The following ANKRD44 variants were observed in gnomAD, a reference collection of about 807,000 sequenced individuals.
ANKRD44 encodes the protein serine/threonine-protein phosphatase 6 regulatory ankyrin repeat subunit B.
Under a neutral mutation model 116.0 loss-of-function variants are expected in ANKRD44, and 35 were observed. That is an observed-to-expected ratio of 0.30 (90% confidence interval 0.23 to 0.40). The LOEUF is 0.40. Ranked by LOEUF, ANKRD44 falls within the 10% of genes least tolerant of loss-of-function variation. The probability of loss-of-function intolerance (pLI) is 1.00; values close to 1 mark genes in which losing one functional copy is unlikely to be tolerated. For missense variants in ANKRD44, 1,014 were observed against 1,242.6 expected (o/e 0.82, Z 2.77); for synonymous variants, 435 against 461.8 (o/e 0.94, Z 0.74).
chr2:197,084,191 T>A (rs962172309), intron 13 of ANKRD44, among the ~76,000 whole-genome samples: 2 of 152,132 alleles, frequency 1.3e-5, no homozygotes, highest in Non-Finnish European at 2.9e-5. Flanking sequence ...ATGGGGTATC[T>A]CTCTCCCCTA....
At chr2:197,093,590 G>A (rs555571852) in intron 10 of ANKRD44, among the ~76,000 whole-genome samples, 35 of 152,258 alleles carry the variant, frequency 2.3e-4, no homozygotes, top group East Asian at 5.8e-4. Context: ...TGGCATTTGC[G>A]CTTGCATATG....
chr2:197,310,333 G>A (rs1166714193), intron 1 of ANKRD44, among the ~76,000 whole-genome samples: 2 of 144,050 alleles, frequency 1.4e-5, no homozygotes, highest in Non-Finnish European at 3.1e-5. Context: ...CACGCCGGCT[G>A]CCCAGCGCCC....
intron 1 of ANKRD44, among the ~76,000 whole-genome samples, chr2:197,297,384 T>C (rs2105897898): frequency 6.6e-6 from 1 of 152,274 alleles, no homozygotes; most frequent in South Asian, 2.1e-4. Context: ...CAAACTCAAA[T>C]CATATTTTCA....
At chr2:197,025,414 T>C in intron 16 of ANKRD44, 147 bp from the exon 17 acceptor site, 2 of 567,746 alleles carry the variant, frequency 3.5e-6, no homozygotes, top group Admixed American at 5.5e-5. Context: ...AAAACAAATA[T>C]GCTAACAGAA....
chr2:197,044,288 C>A (rs1046390059), intron 16 of ANKRD44, among the ~76,000 whole-genome samples: 1 of 152,220 alleles, frequency 6.6e-6, no homozygotes, highest in Non-Finnish European at 1.5e-5. Context: ...CAGTTTCCAA[C>A]TGCACATTCC....
At chr2:197,170,068 T>C (rs921545847) in intron 2 of ANKRD44, among the ~76,000 whole-genome samples, 2 of 151,796 alleles carry the variant, frequency 1.3e-5, no homozygotes, top group African/African-American at 4.8e-5. Flanking sequence ...TGTGTGCCTG[T>C]AGTCCCAGCT....
chr2:197,015,600 T>C (rs2076376449), intron 17 of ANKRD44: 2 of 536,306 alleles, frequency 3.7e-6, no homozygotes, highest in Non-Finnish European at 6.8e-6. Context: ...ATTTTGGCTG[T>C]GGTAGAAACT....
intron 2 of ANKRD44, among the ~76,000 whole-genome samples, chr2:197,182,419 T>A (rs886570558): frequency 7.2e-5 from 11 of 152,220 alleles, no homozygotes; most frequent in Non-Finnish European, 1.5e-5. Flanking sequence ...GGAAACTAAC[T>A]AAGCTGGATG....
intron 9 of ANKRD44, among the ~76,000 whole-genome samples, chr2:197,109,482 T>C (rs547667723): frequency 3.9e-5 from 6 of 152,254 alleles, no homozygotes; most frequent in South Asian, 2.1e-4. Flanking sequence ...AAATTTCCTT[T>C]GCTTTGCTGC....
At position 196,988,915 on chromosome 2, in the gene ANKRD44, T is replaced by C. The variant is rs1052592111; in HGVS notation, c.*676A>G. On this transcript the variant is annotated 3_prime_UTR_variant, in exon 28 of 28. Coordinates refer to ENST00000282272, the MANE Select transcript of ANKRD44 (RefSeq NM_001195144.2). Reference sequence around the variant, plus strand: ...CTTTGTGCTGCCTTTGTGTATATGATCCACTACACATCTGAGTTTTCATCT... The same window carrying C: ...CTTTGTGCTGCCTTTGTGTATATGACCCACTACACATCTGAGTTTTCATCT... 6 of 985,308 alleles carry C rather than the reference T, an allele frequency of 6.1e-6. No individual in the cohort carries two copies. Among genetic ancestry groups the C allele is most frequent in the African/African-American group, 1.7e-5 (1 of 57,224 alleles). 61.0% of individuals were successfully genotyped at this position (985,308 alleles called of 1,614,324 possible).
chr2:197,297,551 A>C (rs1338462810), intron 1 of ANKRD44, among the ~76,000 whole-genome samples: 1 of 152,194 alleles, frequency 6.6e-6, no homozygotes, highest in African/African-American at 2.4e-5. Context: ...CCCGTAAAGC[A>C]AGTATTATTT....
intron 3 of ANKRD44, among the ~76,000 whole-genome samples, chr2:197,139,709 T>C (rs534989772): frequency 1.1e-4 from 16 of 152,188 alleles, no homozygotes; most frequent in African/African-American, 3.9e-4. Flanking sequence ...GGAAGGTATA[T>C]GGATATTCAC....
At chr2:197,015,471 G>A in intron 17 of ANKRD44, 1 of 484,520 alleles carries the variant, frequency 2.1e-6, no homozygotes, top group Non-Finnish European at 3.8e-6. Context: ...GGCATAACTT[G>A]GAAGTGAAAG....
chr2:196,999,530 T>C (rs1437149470), intron 23 of ANKRD44, among the ~76,000 whole-genome samples: 1 of 152,056 alleles, frequency 6.6e-6, no homozygotes, highest in Non-Finnish European at 1.5e-5. Flanking sequence ...TAGGTATTTA[T>C]CTCTCAGATA....
chr2:197,150,588 GTT>G (rs2079619511), intron 2 of ANKRD44, among the ~76,000 whole-genome samples: 1 of 151,960 alleles, frequency 6.6e-6, no homozygotes, highest in African/African-American at 2.4e-5. Flanking sequence ...CATCTTAGAA[GTT>G]CATGTGATAG....
chr2:197,042,111 T>C (rs541280983), intron 16 of ANKRD44, among the ~76,000 whole-genome samples: 17 of 152,224 alleles, frequency 1.1e-4, no homozygotes, highest in Non-Finnish European at 2.1e-4. Context: ...AATAAAACTA[T>C]GATACCCCCA....
Position 196,998,360 on chromosome 2 carries a change from G to T in ANKRD44, c.2725C>A (p.Pro909Thr), listed in dbSNP as rs996331043. 35 of 1,613,244 alleles carry T rather than the reference G, an allele frequency of 2.2e-5. No individual in the cohort carries two copies. Among genetic ancestry groups the T allele is most frequent in the Admixed American group, 3.3e-5 (2 of 59,990 alleles). ...ACTTTACTACAAGCCAAATGTAAGG[G>T]TGTATTCAAGTCCTTATCCTTTACA... ...LTVKDKDLNT[P>T]LHLACSKGHE... The change falls in exon 25 of 28, where the codon CCC (proline) becomes ACC (threonine). Residue 909 changes from proline to threonine, a missense_variant. Transcript: ENST00000282272.
intron 21 of ANKRD44, among the ~76,000 whole-genome samples, chr2:196,976,294 G>A (rs771429624): frequency 1.3e-5 from 2 of 151,852 alleles, no homozygotes; most frequent in African/African-American, 2.4e-5. Flanking sequence ...CAGCCACCAC[G>A]CCTGGCTAAT....
At chr2:197,012,315 A>C (rs1288679916) in intron 18 of ANKRD44, among the ~76,000 whole-genome samples, 1 of 152,190 alleles carries the variant, frequency 6.6e-6, no homozygotes, top group Non-Finnish European at 1.5e-5. Flanking sequence ...CCTGTTTATA[A>C]GGGCGATTTT....
Sources: allele counts gnomAD v4.1 joint callset (sites outside exome capture counted in the v4.1 genomes callset), GRCh38; gene constraint gnomAD v4.1.1; transcripts MANE v1.5; gene names NCBI Gene and HGNC (gene_info 2026-07-23, HGNC 2026-07-21).